Variants in SLC39A10 observed in about 807,000 individuals in gnomAD.
The protein encoded by SLC39A10 is solute carrier family 39 member 10, also known as zinc transporter ZIP10.
In SLC39A10, 13 loss-of-function variants were observed where a neutral mutation model predicts 65.1. The observed-to-expected ratio is 0.20, with a 90% confidence interval of 0.13 to 0.32. The LOEUF (loss-of-function observed/expected upper bound fraction) is 0.32, where lower values mean the gene tolerates loss of function less well. SLC39A10 is among the 10% of genes least tolerant of loss of function. SLC39A10 has a pLI of 1.00. For synonymous variants in SLC39A10, 321 were observed against 342.2 expected, an observed-to-expected ratio of 0.94 and a Z score of 0.68; for missense variants, 831 against 1,018.4, an observed-to-expected ratio of 0.82 and a Z score of 2.50.
intron 3 of SLC39A10, among the ~76,000 whole-genome samples, chr2:195,690,530 T>A (rs770123622): frequency 5.3e-5 from 8 of 152,198 alleles, no homozygotes; most frequent in Non-Finnish European, 1.0e-4. Flanking sequence ...TCTCCACATC[T>A]TTGCCAACAC....
chr2:195,642,922 A>G (rs1391443821), intron 2 of SLC39A10, among the ~76,000 whole-genome samples: 2 of 152,172 alleles, frequency 1.3e-5, no homozygotes, highest in Non-Finnish European at 2.9e-5. Context: ...TTAATGAAAA[A>G]CCAAAAGTCC....
chr2:195,690,683 C>G (rs530752056), intron 3 of SLC39A10, among the ~76,000 whole-genome samples: 1 of 152,156 alleles, frequency 6.6e-6, no homozygotes, highest in South Asian at 2.1e-4. Context: ...CAGAAAATGC[C>G]TATTACAGTT....
At chr2:195,678,413 T>C (rs1690174440) in intron 1 of SLC39A10, among the ~76,000 whole-genome samples, 1 of 152,214 alleles carries the variant, frequency 6.6e-6, no homozygotes, top group South Asian at 2.1e-4. Context: ...TTGGCTGCTG[T>C]TATGAAGTGC....
In SLC39A10 at chr2:195,737,431, A is replaced by AATACT. The variant is rs200008298; in HGVS notation, c.*2394_*2398dup. ...CTGTGATTGATTGATTATGCTTAGA[A>AATACT]ATACTATAGTAACTAGATGCAGTGT... On this transcript the variant is annotated 3_prime_UTR_variant, in exon 10 of 10. Coordinates refer to ENST00000359634, the MANE Select transcript of SLC39A10 (RefSeq NM_020342.3). 3,518 of 158,742 alleles carry AATACT rather than the reference A, an allele frequency of 0.022. 57 individuals are homozygous for AATACT. The highest frequency in any genetic ancestry group is 0.029 in the Non-Finnish European group (2,100 of 71,580). The allele number at this position is 158,742 out of a possible 1,614,324, so 9.8% of individuals were successfully genotyped here.
chr2:195,622,297 T>C (rs1688365274), intron 2 of SLC39A10, among the ~76,000 whole-genome samples: 1 of 151,698 alleles, frequency 6.6e-6, no homozygotes. Context: ...GCCCCGGAGG[T>C]CAAGGCTGCA....
chr2:195,703,114 T>A (rs1181957966), intron 3 of SLC39A10, among the ~76,000 whole-genome samples: 1 of 152,150 alleles, frequency 6.6e-6, no homozygotes, highest in African/African-American at 2.4e-5. Flanking sequence ...GATTATCAAA[T>A]TTCTCCTCCC....
chr2:195,718,163 T>C lies in SLC39A10; in HGVS notation c.2066-89T>C, dbSNP rs1691889430. ...TCATATGTTAAGAAATTAATTTAGA[T>C]AGGCAAAAGAAACTGCATCTGTCAT... On this transcript the variant is annotated intron_variant, in intron 7 of 9. Coordinates refer to ENST00000359634, the MANE Select transcript of SLC39A10 (RefSeq NM_020342.3). 7 of 1,026,438 alleles carry C rather than the reference T, an allele frequency of 6.8e-6. No individual in the cohort carries two copies. The South Asian group carries it at 1.1e-4, about 16-fold the overall frequency. 63.6% of individuals were successfully genotyped at this position (1,026,438 alleles called of 1,614,324 possible). A position where few individuals can be genotyped will look rare whatever the true frequency, so the allele number is the denominator to read the frequency against.
intron 8 of SLC39A10, among the ~76,000 whole-genome samples, chr2:195,722,670 G>T (rs568067691): frequency 1.3e-5 from 2 of 152,332 alleles, no homozygotes; most frequent in South Asian, 4.1e-4. Context: ...GGCAGATAGA[G>T]CCAGGGAGAA....
At chr2:195,619,114 A>AAAAAAGAG (rs1553490931) in intron 2 of SLC39A10, among the ~76,000 whole-genome samples, 14 of 131,968 alleles carry the variant, frequency 1.1e-4, no homozygotes, top group African/African-American at 3.8e-4. Context: ...AAAAAAAAAA[A>AAAAAAGAG]AGAGAGAGAG....
intron 3 of SLC39A10, among the ~76,000 whole-genome samples, chr2:195,694,144 TC>T (rs1332115317): frequency 1.3e-5 from 2 of 152,194 alleles, no homozygotes; most frequent in African/African-American, 4.8e-5. Context: ...CCAGTTTTAT[TC>T]CATTGTGGTC....
At chr2:195,657,812 T>C (rs892607739) in intron 1 of SLC39A10, among the ~76,000 whole-genome samples, 3 of 152,106 alleles carry the variant, frequency 2.0e-5, no homozygotes, top group Admixed American at 2.0e-4. Flanking sequence ...TGGTCTGTAA[T>C]GGGGCGAGGG....
intron 1 of SLC39A10, among the ~76,000 whole-genome samples, chr2:195,664,192 CTT>C (rs1483669325): frequency 2.0e-5 from 3 of 151,878 alleles, no homozygotes; most frequent in Non-Finnish European, 4.4e-5. Context: ...ATTCTTAAAT[CTT>C]TTTCTGTGAA....
chr2:195,622,816 C>CA (rs1243634688), intron 2 of SLC39A10, among the ~76,000 whole-genome samples: 3 of 151,698 alleles, frequency 2.0e-5, no homozygotes, highest in Admixed American at 6.6e-5. Flanking sequence ...ACTAAAATTA[C>CA]AAAAAAATTG....
chr2:195,709,782 CTT>C (rs1377300897), intron 5 of SLC39A10, among the ~76,000 whole-genome samples: 1 of 152,050 alleles, frequency 6.6e-6, no homozygotes, highest in African/African-American at 2.4e-5. Context: ...ACCTAATTGA[CTT>C]AAATAGGATG....
chr2:195,713,761 T>G (rs1003915552), intron 6 of SLC39A10, among the ~76,000 whole-genome samples: 8 of 152,064 alleles, frequency 5.3e-5, no homozygotes, highest in African/African-American at 1.9e-4. Flanking sequence ...CAAAGCCAAC[T>G]TGGGATAGGA....
chr2:195,618,029 T>G lies in SLC39A10; in HGVS notation c.-12+11796T>G, dbSNP rs62203574. Among the ~76,000 whole-genome samples the G allele has an allele frequency of 5.7e-3, 823 of 145,364 alleles. 3 individuals are homozygous for G. The highest frequency in any genetic ancestry group is 7.1e-3 in the Non-Finnish European group (472 of 66,404). Reference sequence around the variant, plus strand: ...GCTGGGATTACAGGCGTGAGCCACCTCGCCCGGCCTTGTCTCTATTTTAAA... The same window carrying G: ...GCTGGGATTACAGGCGTGAGCCACCGCGCCCGGCCTTGTCTCTATTTTAAA... On this transcript the variant is annotated intron_variant, in intron 2 of 2. Coordinates refer to the SLC39A10 transcript ENST00000458054.
chr2:195,731,445 C>G (rs1692430523), intron 9 of SLC39A10, among the ~76,000 whole-genome samples: 1 of 152,112 alleles, frequency 6.6e-6, no homozygotes, highest in Non-Finnish European at 1.5e-5. Context: ...CTATTAACAC[C>G]ATTTTACTTA....
At chr2:195,636,426 C>A (rs984456429) in intron 2 of SLC39A10, among the ~76,000 whole-genome samples, 2 of 152,114 alleles carry the variant, frequency 1.3e-5, no homozygotes, top group Non-Finnish European at 2.9e-5. Flanking sequence ...ATGTGACTCA[C>A]ATAAACAAAT....
intron 8 of SLC39A10, 30 bp downstream of exon 8, chr2:195,718,362 T>A (rs775971108): frequency 1.2e-5 from 19 of 1,530,016 alleles, no homozygotes; most frequent in Admixed American, 1.7e-5. Flanking sequence ...TTTACCAGAT[T>A]TCATCAAATC....
Sources: allele counts gnomAD v4.1 joint callset (sites outside exome capture counted in the v4.1 genomes callset), GRCh38; gene constraint gnomAD v4.1.1; transcripts MANE v1.5; gene names NCBI Gene and HGNC (gene_info 2026-07-23, HGNC 2026-07-21).